The following THRA variants were observed in gnomAD, a reference collection of about 807,000 sequenced individuals.
The protein encoded by THRA is EAR-7.
A neutral mutation model predicts 45.0 loss-of-function variants in THRA; 13 were observed. The ratio of observed to expected loss-of-function variants is 0.29; its 90% CI spans 0.19 to 0.46. The LOEUF is 0.46. THRA is among the 20% of genes least tolerant of loss of function. The pLI, the probability that THRA is intolerant of heterozygous loss-of-function variation, is 1.00. For synonymous variants in THRA, 195 were observed against 214.0 expected, an observed-to-expected ratio of 0.91 and a Z score of 0.78; for missense variants, 278 against 556.1, an observed-to-expected ratio of 0.50 and a Z score of 5.03.
In THRA at chr17:40,089,298, A is replaced by C. The variant is rs1476720630; in HGVS notation, c.1075A>C (p.Asn359His). 1 of 1,613,962 alleles carries C rather than the reference A, an allele frequency of 6.2e-7. No homozygotes were observed. Among genetic ancestry groups the C allele is most frequent in the Non-Finnish European group, 8.5e-7 (1 of 1,180,032 alleles). Residue 359 changes from asparagine to histidine, a missense_variant, in exon 9 of 9, where the codon AAC becomes CAC. Asn to His is a moderately conservative substitution (Grantham distance 68, BLOSUM62 1). This residue lies in a region of THRA where 66 missense variants were observed against 94.7 expected (regional missense o/e 0.70). Coordinates refer to ENST00000450525, the MANE Select transcript of THRA (RefSeq NM_199334.5). This position sits in a 1 kb window ranked among gnomAD's most constrained non-coding sequence, Gnocchi z 6.1. ...FEHYVNHRKH[N>H]IPHFWPKLLM... ...GCACTACGTCAACCACCGCAAACAC[A>C]ACATTCCGCACTTCTGGCCCAAGCT...
intron 4 of THRA, among the ~76,000 whole-genome samples, chr17:40,078,629 A>G (rs1987032537): frequency 6.6e-6 from 1 of 151,956 alleles, no homozygotes; most frequent in Non-Finnish European, 1.5e-5. Context: ...AGCCTGTCAG[A>G]GAGAGAGACA....
chr17:40,062,320 G>A (rs779872246), upstream of THRA: 2 of 152,104 alleles, frequency 1.3e-5, no homozygotes, highest in African/African-American at 2.4e-5. Flanking sequence ...GGAGGTAACA[G>A]GGAATGAACC....
chr17:40,088,202 G>C lies in THRA; in HGVS notation c.724-40G>C, dbSNP rs968629311. The C allele has an allele frequency of 6.5e-6, 10 of 1,549,650 alleles. No individual in the cohort carries two copies. The Admixed American group carries it at 7.5e-5, about 12-fold the overall frequency. ...TAGGGGAGACTCAAGGACGCGGGGA[G>C]GGGTATGCTGAGTGCTCCTGTGGCC... On this transcript the variant is annotated intron_variant, in intron 7 of 8. Transcript: ENST00000450525.
Position 40,090,017 on chromosome 17 carries a change from T to G in THRA, c.*561T>G. On this transcript the variant is annotated 3_prime_UTR_variant, in exon 9 of 9. Transcript: ENST00000450525. Reference sequence around the variant, plus strand: ...AAACCAAGCAAGGGGAGAAGACAAATGAAGAAAAACTAGACAGAGAGAAAA... The same window carrying G: ...AAACCAAGCAAGGGGAGAAGACAAAGGAAGAAAAACTAGACAGAGAGAAAA... 3 of 987,790 alleles carry G rather than the reference T, an allele frequency of 3.0e-6. No individual in the cohort carries two copies. The highest frequency in any genetic ancestry group is 3.6e-6 in the Non-Finnish European group (3 of 831,412). The allele number at this position is 987,790 out of a possible 1,614,324, so 61.2% of individuals were successfully genotyped here.
chr17:40,084,033 G>A, intron 5 of THRA, 51 bp downstream of exon 5: 1 of 1,543,172 alleles, frequency 6.5e-7, no homozygotes, highest in Non-Finnish European at 8.7e-7. Context: ...GGGTGGGGAT[G>A]AGTTCTGGGA....
At chr17:40,067,228 C>T (rs1397796055) in intron 1 of THRA, among the ~76,000 whole-genome samples, 1 of 152,186 alleles carries the variant, frequency 6.6e-6, no homozygotes, top group East Asian at 1.9e-4. Context: ...TACAAGGAGC[C>T]CTTGGCCCCT....
intron 4 of THRA, among the ~76,000 whole-genome samples, chr17:40,083,320 G>A (rs547509960): frequency 6.6e-6 from 1 of 151,828 alleles, no homozygotes; most frequent in East Asian, 1.9e-4. Flanking sequence ...ATCCGCCTTG[G>A]CCTCCCAAAG....
intron 1 of THRA, 41 bp from the exon 2 acceptor site, chr17:40,074,151 C>T (rs1229362350): frequency 6.5e-6 from 2 of 308,278 alleles, no homozygotes; most frequent in East Asian, 6.9e-5. Flanking sequence ...ACCTTCCTAC[C>T]GTGACACCTT....
intron 7 of THRA, among the ~76,000 whole-genome samples, chr17:40,087,202 CACAG>C (rs956840243): frequency 6.7e-5 from 10 of 149,778 alleles, no homozygotes; most frequent in African/African-American, 2.2e-4. Flanking sequence ...ACACCCAGCA[CACAG>C]ACACACACAC....
intron 6 of THRA, among the ~76,000 whole-genome samples, chr17:40,085,746 C>T (rs372154863): frequency 1.4e-4 from 21 of 152,016 alleles, no homozygotes; most frequent in Admixed American, 6.6e-4. Flanking sequence ...CGGCTTCAAG[C>T]GATTCTCCTG....
intron 6 of THRA, among the ~76,000 whole-genome samples, chr17:40,085,949 G>A (rs937675913): frequency 6.6e-6 from 1 of 152,032 alleles, no homozygotes. Flanking sequence ...GCCTCTCTAC[G>A]AATAATTTTA....
chr17:40,077,056 A>G (rs1986980980), intron 3 of THRA, 118 bp downstream of exon 3: 1 of 1,085,638 alleles, frequency 9.2e-7, no homozygotes, highest in Admixed American at 2.3e-5. Context: ...GGAGCCTCCT[A>G]GAGGGCTTGG....
chr17:40,086,710 G>A lies in THRA; in HGVS notation c.580G>A (p.Asp194Asn), dbSNP rs770977735. 3 of 1,613,890 alleles carry A rather than the reference G, an allele frequency of 1.9e-6. No individual in the cohort carries two copies. The highest frequency in any genetic ancestry group is 2.2e-5 in the South Asian group (2 of 91,066). ...TGACCCCCGTCTTTCTCTCTAGCCC[G>A]ATGACATTGGCCAGTCACCCATTGT... ...HWKQRRKFLP[D>N]DIGQSPIVSM... Residue 194 changes from aspartate to asparagine, a missense_variant, in exon 7 of 9, where the codon GAT (aspartate) becomes AAT (asparagine). By Grantham distance (23) the Asp-to-Asn change is conservative. Coordinates refer to ENST00000450525, the MANE Select transcript of THRA (RefSeq NM_199334.5).
chr17:40,093,696 G>A (rs755224727), downstream of THRA: 2 of 636,024 alleles, frequency 3.1e-6, no homozygotes, highest in Non-Finnish European at 5.4e-6. The surrounding 1 kb of genome is among the most constrained non-coding windows in gnomAD (Gnocchi z 5.9). Context: ...ATAGTTGTCT[G>A]TGCTTCCTTG....
intron 4 of THRA, among the ~76,000 whole-genome samples, chr17:40,083,627 C>A (rs1429326972): frequency 6.6e-6 from 1 of 152,234 alleles, no homozygotes; most frequent in African/African-American, 2.4e-5. Context: ...ACACCCCCAA[C>A]CCCTCAGCAG....
At chr17:40,088,550 G>T (rs1266569326) in intron 8 of THRA, 50 bp downstream of exon 8, 1 of 1,567,278 alleles carries the variant, frequency 6.4e-7, no homozygotes, top group Admixed American at 1.8e-5. Context: ...GGGTCCCAGA[G>T]ATTGGCTGGA....
At chr17:40,077,396 G>A in intron 3 of THRA, 112 bp from the exon 4 acceptor site, 1 of 850,642 alleles carries the variant, frequency 1.2e-6, no homozygotes, top group South Asian at 1.5e-5. Context: ...AGGGAGGCTG[G>A]GCTAGGAGAG....
intron 7 of THRA, among the ~76,000 whole-genome samples, chr17:40,087,246 A>G (rs954586943): frequency 4.7e-5 from 7 of 147,728 alleles, no homozygotes; most frequent in South Asian, 2.2e-4. Context: ...GCACACAGGC[A>G]CACACACACA....
chr17:40,092,646 T>G lies in THRA; in HGVS notation c.*3190T>G. 5.5e-6 allele frequency: 1 copy of G among 182,988 alleles called. No individual in the cohort carries two copies. 11.3% of individuals were successfully genotyped at this position (182,988 alleles called of 1,614,324 possible). A position where few individuals can be genotyped will look rare whatever the true frequency, so the allele number is the denominator to read the frequency against. On this transcript the variant is annotated 3_prime_UTR_variant, in exon 9 of 9. Transcript: ENST00000450525. ...AAAATAACCCCCTTGGGCACCCCCCTTAGACTTGTGTGCTGTTTCCCTATA... is the reference window on the plus strand; with the variant it reads ...AAAATAACCCCCTTGGGCACCCCCCGTAGACTTGTGTGCTGTTTCCCTATA...
Sources: allele counts gnomAD v4.1 joint callset (sites outside exome capture counted in the v4.1 genomes callset), GRCh38; gene constraint gnomAD v4.1.1; regional missense constraint gnomAD v4.1.1; non-coding constraint Gnocchi (gnomAD v3.1); transcripts MANE v1.5; gene names NCBI Gene and HGNC (gene_info 2026-07-23, HGNC 2026-07-21).